DISP1: variants seen among roughly 807,000 people sequenced by gnomAD.
The protein encoded by DISP1 is protein dispatched homolog 1.
A neutral mutation model predicts 37.3 loss-of-function variants in DISP1; 30 were observed. The observed-to-expected ratio is 0.80, with a 90% CI of 0.60 to 1.09. DISP1 has a LOEUF of 1.09. DISP1 is among the 50% of genes least tolerant of loss of function. The probability of loss-of-function intolerance (pLI) is 0.00; values close to 1 mark genes in which losing one functional copy is unlikely to be tolerated. For missense variants in DISP1, 1,598 were observed against 1,879.5 expected, an observed-to-expected ratio of 0.85 and a Z score of 2.77; for synonymous variants, 634 against 690.2, an observed-to-expected ratio of 0.92 and a Z score of 1.28.
chr1:222,990,682 C>G lies in DISP1; in HGVS notation c.597C>G (p.Phe199Leu), dbSNP rs779338301. 2 of 1,614,036 alleles carry G rather than the reference C, an allele frequency of 1.2e-6. No homozygotes were observed. The highest frequency in any genetic ancestry group is 2.7e-5 in the African/African-American group (2 of 74,932). ...PVVVLGMCTM[F>L]IVVCALVGVL... ...TGGTCTTGGGCATGTGCACCATGTTCATCGTAGTCTGTGCCTTGGTTGGAG... is the reference window on the plus strand; with the variant it reads ...TGGTCTTGGGCATGTGCACCATGTTGATCGTAGTCTGTGCCTTGGTTGGAG... The change falls in exon 5 of 9, where the codon TTC becomes TTG. Residue 199 changes from phenylalanine (F) to leucine (L), a missense_variant. Coordinates refer to ENST00000675850, the MANE Select transcript of DISP1 (RefSeq NM_001377229.1).
chr1:222,943,552 C>T, intron 3 of DISP1: 1 of 617,058 alleles, frequency 1.6e-6, no homozygotes, highest in Non-Finnish European at 2.8e-6. Context: ...CTCCCTTCCC[C>T]TTTCCCTGTC....
Position 223,003,494 on chromosome 1 carries a change from A to G in DISP1, c.2097A>G (p.Ser699=). The change falls in exon 9 of 9, where the codon TCA becomes TCG. Residue 699 remains serine, a synonymous_variant. Coordinates refer to ENST00000675850, the MANE Select transcript of DISP1 (RefSeq NM_001377229.1). This position sits in a 1 kb window ranked among gnomAD's most constrained non-coding sequence, Gnocchi z 4.3. ...QKCHKVLFAI[S]EASRIFFEKV... ...GCCACAAAGTACTCTTTGCCATTTC[A>G]GAAGCATCTCGAATTTTTTTCGAAA... 6.2e-7 allele frequency: 1 copy of G among 1,614,202 alleles called. No individual in the cohort carries two copies. The highest frequency in any genetic ancestry group is 2.2e-5 in the East Asian group (1 of 44,890).
intron 1 of DISP1, among the ~76,000 whole-genome samples, chr1:222,883,057 G>T (rs1670367245): frequency 6.6e-6 from 1 of 151,970 alleles, no homozygotes; most frequent in Non-Finnish European, 1.5e-5. Context: ...AAATAAGGTA[G>T]GAAAATAATT....
chr1:222,937,289 A>G (rs1674016856), intron 2 of DISP1, among the ~76,000 whole-genome samples: 1 of 151,422 alleles, frequency 6.6e-6, no homozygotes, highest in South Asian at 2.1e-4. Context: ...ACGAGGTTTC[A>G]CCGTGTTAGC....
At chr1:222,892,756 T>C (rs1671009329) in intron 1 of DISP1, among the ~76,000 whole-genome samples, 1 of 152,230 alleles carries the variant, frequency 6.6e-6, no homozygotes, top group African/African-American at 2.4e-5. Context: ...TTCACTTTAA[T>C]GGCAAAACCG....
chr1:222,887,689 G>A (rs1320668603), intron 1 of DISP1, among the ~76,000 whole-genome samples: 1 of 121,014 alleles, frequency 8.3e-6, no homozygotes, highest in Non-Finnish European at 1.9e-5. Context: ...TAGTAGAGAC[G>A]GGGTTTCACC....
At chr1:222,826,377 CT>C (rs376799233) in intron 1 of DISP1, among the ~76,000 whole-genome samples, 1,395 of 110,354 alleles carry the variant, frequency 0.013, 4 homozygotes, top group Middle Eastern at 0.049. Flanking sequence ...CACTTTAATA[CT>C]TTTTTTTTTT....
At position 222,990,573 on chromosome 1, in the gene DISP1, T is replaced by A. The variant is rs1449746779; in HGVS notation, c.540-52T>A. 3.1e-6 allele frequency: 5 copies of A among 1,613,220 alleles called. No homozygotes were observed. The Admixed American group carries it at 8.3e-5, about 27-fold the overall frequency. ...AAGGGCCTTCTTTGTGCCTTCTTTG[T>A]GTTTCTGTAGTTATGCAGCTCTGAT... On this transcript the variant is annotated intron_variant, in intron 4 of 8. Transcript: ENST00000675850.
At chr1:222,896,016 A>T (rs1461331573) in intron 1 of DISP1, among the ~76,000 whole-genome samples, 3 of 152,232 alleles carry the variant, frequency 2.0e-5, no homozygotes, top group Non-Finnish European at 4.4e-5. Context: ...TTAAAAAATG[A>T]AAAAGCGAGG....
chr1:222,979,757 C>T (rs1390912837), intron 3 of DISP1: 1 of 438,450 alleles, frequency 2.3e-6, no homozygotes, highest in African/African-American at 2.0e-5. Flanking sequence ...TCTATGCATA[C>T]TTGGATAGCC....
At chr1:222,955,007 A>G (rs1675493360) in intron 3 of DISP1, among the ~76,000 whole-genome samples, 3 of 152,074 alleles carry the variant, frequency 2.0e-5, no homozygotes, top group Admixed American at 6.5e-5. Context: ...GAGAAGGGCC[A>G]GAGAAGGCAT....
chr1:222,961,627 G>A (rs188253900), intron 3 of DISP1, among the ~76,000 whole-genome samples: 4 of 152,270 alleles, frequency 2.6e-5, no homozygotes, highest in Admixed American at 2.6e-4. Flanking sequence ...GGACAAGCAG[G>A]CAAGAGAAAG....
intron 3 of DISP1, among the ~76,000 whole-genome samples, chr1:222,953,585 A>G (rs1158330210): frequency 6.6e-6 from 1 of 152,188 alleles, no homozygotes; most frequent in East Asian, 1.9e-4. Flanking sequence ...AAATCTGATT[A>G]TGATATTTGA....
Sources: gnomAD v4.1 joint callset for allele counts (sites outside exome capture counted in the v4.1 genomes callset) on GRCh38, gnomAD v4.1.1 for gene constraint, Gnocchi (gnomAD v3.1) non-coding constraint, MANE v1.5 for transcripts, NCBI Gene and HGNC (gene_info 2026-07-23, HGNC 2026-07-21) for gene names.